DPYS: variants seen among roughly 807,000 people sequenced by gnomAD.
DPYS encodes dihydropyrimidine amidohydrolase.
DPYS carries 39 observed loss-of-function variants against 50.3 expected under a neutral mutation model. That is an observed-to-expected ratio of 0.78 (90% CI 0.60 to 1.01). DPYS has a LOEUF of 1.01. Ranked by LOEUF, DPYS falls within the 50% of genes least tolerant of loss-of-function variation. The probability of loss-of-function intolerance (pLI) is 0.00; values close to 1 mark genes in which losing one functional copy is unlikely to be tolerated. For synonymous variants in DPYS, 245 were observed against 250.7 expected, an observed-to-expected ratio of 0.98 and a Z score of 0.22; for missense variants, 659 against 680.9, an observed-to-expected ratio of 0.97 and a Z score of 0.36.
intron 4 of DPYS, among the ~76,000 whole-genome samples, chr8:104,430,236 A>G (rs1357939791): frequency 6.6e-6 from 1 of 152,188 alleles, no homozygotes; most frequent in African/African-American, 2.4e-5. Context: ...CTGCAAATCA[A>G]TTGATAATCT....
chr8:104,457,520 C>T (rs1813967883), intron 1 of DPYS, among the ~76,000 whole-genome samples: 1 of 152,276 alleles, frequency 6.6e-6, no homozygotes, highest in South Asian at 2.1e-4. Flanking sequence ...ATTTTCTTCC[C>T]TTTTATGGTG....
At chr8:104,434,678 C>T (rs890135101) in intron 4 of DPYS, among the ~76,000 whole-genome samples, 1 of 152,202 alleles carries the variant, frequency 6.6e-6, no homozygotes, top group African/African-American at 2.4e-5. Context: ...TTACTGTGAG[C>T]TGCTTGAGAT....
chr8:104,453,036 C>T (rs1375880362), intron 1 of DPYS, among the ~76,000 whole-genome samples: 1 of 152,082 alleles, frequency 6.6e-6, no homozygotes, highest in Non-Finnish European at 1.5e-5. Context: ...TTCCGGCCCC[C>T]ACCACCCTCC....
At chr8:104,412,947 G>T (rs1281974074) in intron 7 of DPYS, among the ~76,000 whole-genome samples, 1 of 152,108 alleles carries the variant, frequency 6.6e-6, no homozygotes, top group Non-Finnish European at 1.5e-5. Context: ...CAAGATAAAA[G>T]CATAAGAGAG....
rs141129881 is a variant in DPYS at position 104,425,691 on chromosome 8, A to G, written c.1093-1302T>C. On this transcript the variant is annotated intron_variant, in intron 6 of 9. Coordinates refer to ENST00000351513, the MANE Select transcript of DPYS (RefSeq NM_001385.3). Reference sequence around the variant, plus strand: ...TTTTATGCAATTGAAGTTTTACATGAACCAACAATTATGGATAGTCTATTG... The same window carrying G: ...TTTTATGCAATTGAAGTTTTACATGGACCAACAATTATGGATAGTCTATTG... Among the ~76,000 whole-genome samples the G allele has an allele frequency of 1.8e-4, 27 of 152,246 alleles. No individual in the cohort carries two copies. The East Asian group carries it at 5.2e-3, about 29-fold the overall frequency.
rs779877489 is a variant in DPYS at position 104,429,630 on chromosome 8, AT to A, written c.864del (p.Glu288AspfsTer25). Reference protein sequence around the residue: ...GTDGTHYWNKEWHHAAHHVMG... With the variant: ...GTDGTHYWNKXWHHAAHHVMG... Reference sequence around the variant, plus strand: ...ATGACATGGTGGGCTGCATGGTGCCATTCTTTATTCCAGTAGTGAGTGCCAT... The same window carrying A: ...ATGACATGGTGGGCTGCATGGTGCCATCTTTATTCCAGTAGTGAGTGCCAT... On this transcript the variant is annotated frameshift_variant, in exon 5 of 10. Coordinates refer to ENST00000351513, the MANE Select transcript of DPYS (RefSeq NM_001385.3). LOFTEE classifies it high-confidence loss of function. 1 of 1,614,212 alleles carries A rather than the reference AT, an allele frequency of 6.2e-7. No individual in the cohort carries two copies. Among genetic ancestry groups the A allele is most frequent in the Non-Finnish European group, 8.5e-7 (1 of 1,180,028 alleles).
At chr8:104,445,365 C>A (rs1450990779) in intron 3 of DPYS, among the ~76,000 whole-genome samples, 2 of 152,054 alleles carry the variant, frequency 1.3e-5, no homozygotes, top group African/African-American at 4.8e-5. Flanking sequence ...TGGAAGCAAC[C>A]TAAGTGCCCA....
intron 8 of DPYS, among the ~76,000 whole-genome samples, chr8:104,389,205 G>A (rs1381902172): frequency 1.3e-5 from 2 of 152,178 alleles, no homozygotes; most frequent in African/African-American, 2.4e-5. Flanking sequence ...CAACAGATAA[G>A]CAAAGAAATA....
intron 7 of DPYS, among the ~76,000 whole-genome samples, chr8:104,417,066 ATGCTTTCAAGAATGG>A (rs896356243): frequency 1.3e-5 from 2 of 152,224 alleles, no homozygotes; most frequent in African/African-American, 4.8e-5. Context: ...AGATGGCACA[ATGCTTTCAAGAATGG>A]TGTATTCAAG....
At chr8:104,386,694 C>G (rs538208089) in intron 8 of DPYS, among the ~76,000 whole-genome samples, 53 of 151,246 alleles carry the variant, frequency 3.5e-4, no homozygotes, top group African/African-American at 1.1e-3. Context: ...GTGGTACGAT[C>G]TCAGCTCACT....
At chr8:104,419,116 G>T (rs546274350) in intron 7 of DPYS, 1 of 961,214 alleles carries the variant, frequency 1.0e-6, no homozygotes, top group South Asian at 4.8e-5. Context: ...TCCTCTCCTT[G>T]GAAAATCTTT....
chr8:104,463,863 A>C (rs1338511629), intron 1 of DPYS, among the ~76,000 whole-genome samples: 1 of 152,144 alleles, frequency 6.6e-6, no homozygotes, highest in Non-Finnish European at 1.5e-5. Flanking sequence ...TAACTCTATA[A>C]TGCCTTTCTT....
At position 104,466,843 on chromosome 8, in the gene DPYS, C is replaced by T; in HGVS notation, c.78G>A (p.Leu26=). ...GTGCCCGCACCACGCCGTCCTCCACCAGCACGTCGGCCACCTCCGAGAAGT... is the reference window on the plus strand; with the variant it reads ...GTGCCCGCACCACGCCGTCCTCCACTAGCACGTCGGCCACCTCCGAGAAGT... ...NDDFSEVADV[L]VEDGVVRALG... is the part of the protein sequence containing the mutation. The change falls in exon 1 of 10, where the codon CTG becomes CTA. Residue 26 remains leucine (L), a synonymous_variant. Coordinates refer to ENST00000351513, the MANE Select transcript of DPYS (RefSeq NM_001385.3). 1.3e-6 allele frequency: 2 copies of T among 1,532,512 alleles called. No homozygotes were observed. Among genetic ancestry groups the T allele is most frequent in the Middle Eastern group, 1.8e-4 (1 of 5,502 alleles). 94.9% of individuals were successfully genotyped at this position (1,532,512 alleles called of 1,614,324 possible).
intron 7 of DPYS, among the ~76,000 whole-genome samples, chr8:104,417,766 T>C (rs185940623): frequency 1.3e-5 from 2 of 152,356 alleles, no homozygotes; most frequent in Admixed American, 1.3e-4. Flanking sequence ...GCTATTGCAG[T>C]TGATTTTTGC....
intron 1 of DPYS, among the ~76,000 whole-genome samples, chr8:104,454,260 C>A (rs1298583076): frequency 6.6e-6 from 1 of 152,124 alleles, no homozygotes; most frequent in East Asian, 1.9e-4. Context: ...GTGGCGGGTG[C>A]CTATAATCCC....
At chr8:104,404,829 A>G (rs1811939745) in intron 7 of DPYS, among the ~76,000 whole-genome samples, 1 of 152,276 alleles carries the variant, frequency 6.6e-6, no homozygotes. Flanking sequence ...AGAGTTGAGT[A>G]CTAGCAACAG....
chr8:104,428,001 G>A lies in DPYS; in HGVS notation c.1071C>T (p.Ser357=), dbSNP rs772858466. The A allele has an allele frequency of 2.0e-5, 33 of 1,614,022 alleles. No homozygotes were observed. Among genetic ancestry groups the A allele is most frequent in the African/African-American group, 6.7e-5 (5 of 74,920 alleles). Residue 357 remains serine (S), a synonymous_variant, in exon 6 of 10, where the codon TCC becomes TCT. Transcript: ENST00000351513. ...CCACCACGCCTTTTTCCCATATTACGGACATCCGATCTTCAACACCATTCA... is the reference window on the plus strand; with the variant it reads ...CCACCACGCCTTTTTCCCATATTACAGACATCCGATCTTCAACACCATTCA... The part of the protein sequence containing the change: ...NGVNGVEDRM[S]VIWEKGVHSG...
At chr8:104,463,068 A>C (rs112770926) in intron 1 of DPYS, among the ~76,000 whole-genome samples, 1 of 152,352 alleles carries the variant, frequency 6.6e-6, no homozygotes, top group African/African-American at 2.4e-5. Flanking sequence ...AGAGTACCAC[A>C]AATAATATCC....
intron 3 of DPYS, 122 bp downstream of exon 3, chr8:104,447,202 C>T (rs1813560971): frequency 1.5e-6 from 2 of 1,293,772 alleles, no homozygotes; most frequent in Admixed American, 4.1e-5. Flanking sequence ...CACGGAAAAT[C>T]CATTTCTGGA....
Sources: allele counts gnomAD v4.1 joint callset (sites outside exome capture counted in the v4.1 genomes callset), GRCh38; gene constraint gnomAD v4.1.1; transcripts MANE v1.5; gene names NCBI Gene and HGNC (gene_info 2026-07-23, HGNC 2026-07-21).